Variants in LRRC4C observed in about 807,000 individuals in gnomAD.
LRRC4C encodes the protein leucine-rich repeat-containing protein 4C.
LRRC4C carries 5 observed loss-of-function variants against 33.6 expected under a neutral mutation model. The ratio of observed to expected loss-of-function variants is 0.15; its 90% CI spans 0.08 to 0.31. The LOEUF (loss-of-function observed/expected upper bound fraction) is 0.31. LRRC4C is among the 10% of genes least tolerant of loss of function. LRRC4C has a pLI of 1.00. For missense variants in LRRC4C, 560 were observed against 796.7 expected (o/e 0.70, Z 3.58); for synonymous variants, 329 against 302.0 (o/e 1.09, Z -0.93).
chr11:41,445,858 G>C (rs1194216105), intron 1 of LRRC4C, among the ~76,000 whole-genome samples: 3 of 143,714 alleles, frequency 2.1e-5, no homozygotes, highest in African/African-American at 8.1e-5. Flanking sequence ...GTATGAATGA[G>C]TGACTGCATG....
chr11:40,707,384 A>G (rs1946223011), intron 2 of LRRC4C, among the ~76,000 whole-genome samples: 1 of 152,190 alleles, frequency 6.6e-6, no homozygotes, highest in African/African-American at 2.4e-5. Context: ...GATACGTTCC[A>G]TCAATACCTA....
At chr11:40,326,419 G>A (rs967229348) in intron 3 of LRRC4C, among the ~76,000 whole-genome samples, 2 of 151,976 alleles carry the variant, frequency 1.3e-5, no homozygotes, top group East Asian at 3.9e-4. Flanking sequence ...AAAATTAGCT[G>A]GGCATGGTGG....
intron 1 of LRRC4C, among the ~76,000 whole-genome samples, chr11:41,016,171 T>G (rs1437718994): frequency 6.9e-6 from 1 of 145,222 alleles, no homozygotes; most frequent in African/African-American, 2.5e-5. Flanking sequence ...AAAAAAAAAA[T>G]GATTAGCCCA....
At chr11:40,925,131 C>T (rs1028315980) in intron 2 of LRRC4C, among the ~76,000 whole-genome samples, 2 of 151,844 alleles carry the variant, frequency 1.3e-5, no homozygotes, top group African/African-American at 4.8e-5. Flanking sequence ...ATTTCTCTCT[C>T]TCTCTCTCTC....
intron 1 of LRRC4C, among the ~76,000 whole-genome samples, chr11:41,380,937 T>C (rs1179839574): frequency 6.6e-6 from 1 of 152,278 alleles, no homozygotes; most frequent in East Asian, 1.9e-4. Context: ...TCACTATTAA[T>C]AGTGGTTAGA....
chr11:40,981,242 C>T (rs1010757864), intron 1 of LRRC4C, among the ~76,000 whole-genome samples: 12 of 152,058 alleles, frequency 7.9e-5, no homozygotes, highest in African/African-American at 2.7e-4. Context: ...GGTGAAACCC[C>T]GTCTCTACTA....
In LRRC4C at chr11:40,496,051, G is replaced by A. The variant is rs528256856; in HGVS notation, c.-270+152091C>T. ...CACCTGGTTTCACCAGGCTGGTTTC[G>A]AACTCCCGACCTCGGGTGATCTGCT... On this transcript the variant is annotated intron_variant, in intron 3 of 6. Transcript: ENST00000528697. Among the ~76,000 whole-genome samples, 7 of 151,906 alleles carry A rather than the reference G, an allele frequency of 4.6e-5. 1 individual carries two copies. In the South Asian group the frequency reaches 1.0e-3, roughly 23 times the overall value.
At chr11:40,994,985 C>G (rs1018057972) in intron 1 of LRRC4C, among the ~76,000 whole-genome samples, 1 of 152,036 alleles carries the variant, frequency 6.6e-6, no homozygotes, top group African/African-American at 2.4e-5. Context: ...GCAAAAATGG[C>G]CAGAGGTGAA....
intron 1 of LRRC4C, among the ~76,000 whole-genome samples, chr11:41,416,183 A>G (rs1245083138): frequency 6.6e-6 from 1 of 152,050 alleles, no homozygotes; most frequent in African/African-American, 2.4e-5. Context: ...AGAATCTCAG[A>G]GGAGAAGAGG....
At chr11:40,714,856 G>A (rs1056435825) in intron 2 of LRRC4C, among the ~76,000 whole-genome samples, 4 of 152,094 alleles carry the variant, frequency 2.6e-5, no homozygotes, top group Non-Finnish European at 5.9e-5. Context: ...AGAAATTACA[G>A]GAAAAATTGA....
At position 40,879,635 on chromosome 11, in the gene LRRC4C, G is replaced by C. The variant is rs975797237; in HGVS notation, c.-407+54000C>G. ...GAGGATGGTAAAACAGCAGCAAACA[G>C]ACACACACACGCACACCAAGAAATT... On this transcript the variant is annotated intron_variant, in intron 2 of 6. Coordinates refer to ENST00000528697, the MANE Select transcript of LRRC4C (RefSeq NM_001258419.2). Among the ~76,000 whole-genome samples, 4 of 152,060 alleles carry C rather than the reference G, an allele frequency of 2.6e-5. No individual in the cohort carries two copies. The East Asian group carries it at 7.7e-4, about 29-fold the overall frequency.
rs1453258908 is a variant in LRRC4C, at chr11:41,188,904, C to CT, written c.-495-255182_-495-255181insA. Among the ~76,000 whole-genome samples the CT allele has an allele frequency of 2.3e-4, 28 of 123,958 alleles. No individual in the cohort carries two copies. In the South Asian group the frequency reaches 8.2e-3, roughly 36 times the overall value. The allele number at this position is 123,958 out of a possible 152,430, so 81.3% of individuals were successfully genotyped here. A position where few individuals can be genotyped will look rare whatever the true frequency, so the allele number is the denominator to read the frequency against. ...TTTTTAGCACAAAACAGGACCTGCCCCCCCCCCCAAAAAAAAGTATAATTT... is the reference window on the plus strand; with the variant it reads ...TTTTTAGCACAAAACAGGACCTGCCCTCCCCCCCCAAAAAAAAGTATAATTT... On this transcript the variant is annotated intron_variant, in intron 1 of 6. Coordinates refer to ENST00000528697, the MANE Select transcript of LRRC4C (RefSeq NM_001258419.2).
chr11:40,771,385 G>A (rs552355261), intron 2 of LRRC4C, among the ~76,000 whole-genome samples: 1 of 152,254 alleles, frequency 6.6e-6, no homozygotes, highest in Non-Finnish European at 1.5e-5. Flanking sequence ...CAGAGGCCTG[G>A]GCCCAGCCCA....
At chr11:41,297,842 T>A (rs566327417) in intron 1 of LRRC4C, among the ~76,000 whole-genome samples, 1 of 152,326 alleles carries the variant, frequency 6.6e-6, no homozygotes, top group East Asian at 1.9e-4. Flanking sequence ...ATCCGCAGAA[T>A]CTGGTATTCA....
At chr11:41,020,775 GTTC>G (rs140703986) in intron 1 of LRRC4C, among the ~76,000 whole-genome samples, 10,555 of 152,184 alleles carry the variant, frequency 0.069, 450 homozygotes, top group Non-Finnish European at 0.099. Flanking sequence ...ATCTCACTCT[GTTC>G]TTCTTTTAGT....
intron 5 of LRRC4C, among the ~76,000 whole-genome samples, chr11:40,201,493 C>A (rs1862747818): frequency 6.6e-6 from 1 of 152,180 alleles, no homozygotes; most frequent in African/African-American, 2.4e-5. Flanking sequence ...TCTTCCCAAA[C>A]TAACTGGAAG....
At chr11:40,682,777 T>TAAATAAATAAAA (rs1555143904) in intron 2 of LRRC4C, among the ~76,000 whole-genome samples, 1 of 146,014 alleles carries the variant, frequency 6.8e-6, no homozygotes, top group Non-Finnish European at 1.5e-5. Flanking sequence ...AATAAATAAA[T>TAAATAAATAAAA]AAAATAAAGA....
intron 1 of LRRC4C, among the ~76,000 whole-genome samples, chr11:40,979,881 T>C (rs931031078): frequency 1.3e-5 from 2 of 152,220 alleles, no homozygotes; most frequent in Non-Finnish European, 2.9e-5. Context: ...GTGAATCTTA[T>C]AGACATATTT....
intron 1 of LRRC4C, among the ~76,000 whole-genome samples, chr11:41,440,551 T>A (rs1530601): frequency 0.29 from 43,443 of 151,876 alleles, 8,277 homozygotes; most frequent in African/African-American, 0.55. Context: ...ATGTTTTTTT[T>A]AAAAAAAAGT....
Sources: allele counts gnomAD v4.1 joint callset (sites outside exome capture counted in the v4.1 genomes callset), GRCh38; gene constraint gnomAD v4.1.1; transcripts MANE v1.5; gene names NCBI Gene and HGNC (gene_info 2026-07-23, HGNC 2026-07-21).